GSG1L: variants seen among roughly 807,000 people sequenced by gnomAD.
The protein encoded by GSG1L is germ cell-specific gene 1-like protein.
In GSG1L, 24 loss-of-function variants were observed where a neutral mutation model predicts 42.1. That is an observed-to-expected ratio of 0.57 (90% CI 0.41 to 0.80). GSG1L has a LOEUF of 0.80. Ranked by LOEUF, GSG1L falls within the 30% of genes least tolerant of loss-of-function variation. The probability of loss-of-function intolerance (pLI) is 0.00; values close to 1 mark genes in which losing one functional copy is unlikely to be tolerated. For missense variants in GSG1L, 445 were observed against 472.2 expected (o/e 0.94, Z 0.53); for synonymous variants, 215 against 203.5 (o/e 1.06, Z -0.48).
At position 27,799,777 on chromosome 16, in the gene GSG1L, G is replaced by A. The variant is rs140379715; in HGVS notation, c.898+7710C>T. 4.5e-3 allele frequency among the ~76,000 whole-genome samples: 691 copies of A among 152,182 alleles called. 9 individuals carry two copies. The highest frequency in any genetic ancestry group is 0.012 in the South Asian group (60 of 4,804). The stretch of plus-strand genomic sequence containing the variant: ...AAGACATGATCAAGTTTATGTCTTC[G>A]GAGGATGGATTGGAAAGGAATTGGC... On this transcript the variant is annotated intron_variant, in intron 6 of 6. Coordinates refer to ENST00000447459, the MANE Select transcript of GSG1L (RefSeq NM_001109763.2).
At chr16:27,946,567 AAGAAAGAAAGAAAGAGAGAGAGAG>A (rs1567529666) in intron 2 of GSG1L, among the ~76,000 whole-genome samples, 12 of 9,862 alleles carry the variant, frequency 1.2e-3, no homozygotes, top group South Asian at 7.9e-3. Context: ...GAAAGAAAGA[AAGAAAGAAAGAAAGAGAGAGAGAG>A]AGAGAGAGAG....
At chr16:27,797,618 C>T (rs1239004070) in intron 6 of GSG1L, among the ~76,000 whole-genome samples, 3 of 150,946 alleles carry the variant, frequency 2.0e-5, no homozygotes, top group East Asian at 3.9e-4. Flanking sequence ...GTCAGGAGAT[C>T]GAGACCATCC....
At chr16:28,052,468 C>T (rs1056449580) in intron 1 of GSG1L, among the ~76,000 whole-genome samples, 10 of 152,096 alleles carry the variant, frequency 6.6e-5, no homozygotes, top group African/African-American at 2.4e-4. Context: ...GACTGAAATT[C>T]TCCAGTCCTT....
At chr16:28,013,154 G>A (rs921112449) in intron 1 of GSG1L, among the ~76,000 whole-genome samples, 8 of 151,620 alleles carry the variant, frequency 5.3e-5, no homozygotes, top group African/African-American at 1.9e-4. Flanking sequence ...AACCCAGGAG[G>A]TGGAGGTTGC....
At chr16:27,853,673 G>A (rs1193507335) in intron 3 of GSG1L, among the ~76,000 whole-genome samples, 1 of 152,190 alleles carries the variant, frequency 6.6e-6, no homozygotes, top group East Asian at 1.9e-4. Context: ...CTTTTAAAGT[G>A]AAGTGGTCCA....
At chr16:27,865,456 G>T (rs909447230) in intron 3 of GSG1L, among the ~76,000 whole-genome samples, 1 of 149,616 alleles carries the variant, frequency 6.7e-6, no homozygotes, top group Non-Finnish European at 1.5e-5. Context: ...GAGTGGAGGT[G>T]GAAGTGGCCG....
intron 1 of GSG1L, among the ~76,000 whole-genome samples, chr16:27,980,576 T>A (rs1332155518): frequency 6.6e-6 from 1 of 152,154 alleles, no homozygotes; most frequent in Non-Finnish European, 1.5e-5. Flanking sequence ...ACCACACCCA[T>A]TTTACAGATG....
At chr16:27,898,549 C>G (rs2084218313) in intron 2 of GSG1L, among the ~76,000 whole-genome samples, 1 of 151,928 alleles carries the variant, frequency 6.6e-6, no homozygotes, top group South Asian at 2.1e-4. Flanking sequence ...CTGTCTTCCT[C>G]CTCCTCTTCC....
chr16:27,941,307 C>G (rs551460386), intron 2 of GSG1L, among the ~76,000 whole-genome samples: 1 of 151,780 alleles, frequency 6.6e-6, no homozygotes, highest in South Asian at 2.1e-4. Flanking sequence ...AACTTACCAC[C>G]AACAAAAAAA....
chr16:27,805,960 C>T (rs908167552), intron 6 of GSG1L, among the ~76,000 whole-genome samples: 3 of 151,978 alleles, frequency 2.0e-5, no homozygotes, highest in Non-Finnish European at 4.4e-5. Context: ...CAGGATTTCC[C>T]GCCTATTCTG....
intron 4 of GSG1L, among the ~76,000 whole-genome samples, chr16:27,840,062 A>T (rs1596546885): frequency 1.4e-5 from 2 of 145,974 alleles, no homozygotes; most frequent in Admixed American, 6.8e-5. Context: ...TTGAGACAGA[A>T]CCTCCAGCCC....
At chr16:28,011,019 C>A (rs145234153) in intron 1 of GSG1L, among the ~76,000 whole-genome samples, 108 of 152,258 alleles carry the variant, frequency 7.1e-4, no homozygotes, top group Middle Eastern at 3.4e-3. Context: ...GCCGGGCAGG[C>A]TGCACTCCTT....
At chr16:27,946,493 C>T (rs937696517) in intron 2 of GSG1L, among the ~76,000 whole-genome samples, 2 of 147,350 alleles carry the variant, frequency 1.4e-5, no homozygotes, top group Admixed American at 1.4e-4. Context: ...TGCAGTGAGC[C>T]GAAACTGTGC....
intron 2 of GSG1L, among the ~76,000 whole-genome samples, chr16:27,913,987 GTTT>G (rs200261477): frequency 5.2e-4 from 75 of 145,136 alleles, no homozygotes; most frequent in African/African-American, 1.5e-3. Context: ...TTTCCTTCCA[GTTT>G]TTTTTTTTTT....
intron 2 of GSG1L, among the ~76,000 whole-genome samples, chr16:27,902,036 C>T (rs1241559439): frequency 6.6e-6 from 1 of 152,192 alleles, no homozygotes; most frequent in Non-Finnish European, 1.5e-5. Flanking sequence ...CACTTTCGGT[C>T]CTTCCCCCTA....
chr16:27,979,768 A>AAGAAAGAC (rs2085303133), intron 1 of GSG1L, among the ~76,000 whole-genome samples: 1 of 144,238 alleles, frequency 6.9e-6, no homozygotes, highest in Non-Finnish European at 1.5e-5. Context: ...GAAAGAAAGA[A>AAGAAAGAC]GGAAAGAAAG....
At chr16:27,805,868 G>A (rs2082955599) in intron 6 of GSG1L, among the ~76,000 whole-genome samples, 1 of 151,788 alleles carries the variant, frequency 6.6e-6, no homozygotes, top group African/African-American at 2.4e-5. Context: ...TCGGGCCACA[G>A]TGCCTTGACT....
intron 3 of GSG1L, among the ~76,000 whole-genome samples, chr16:27,865,548 T>C (rs1476163471): frequency 3.7e-4 from 8 of 21,572 alleles, no homozygotes; most frequent in African/African-American, 2.3e-3. Context: ...TATATATATA[T>C]ATATATATAT....
At chr16:27,877,809 G>T (rs2083906333) in intron 3 of GSG1L, among the ~76,000 whole-genome samples, 1 of 152,120 alleles carries the variant, frequency 6.6e-6, no homozygotes, top group Non-Finnish European at 1.5e-5. Context: ...GGCAAGATCT[G>T]TCCCTCAGTT....
Sources: gnomAD v4.1 joint callset for allele counts (sites outside exome capture counted in the v4.1 genomes callset) on GRCh38, gnomAD v4.1.1 for gene constraint, MANE v1.5 for transcripts, NCBI Gene and HGNC (gene_info 2026-07-23, HGNC 2026-07-21) for gene names.